The following ABCG1 variants were observed in gnomAD, a reference collection of about 807,000 sequenced individuals.
The protein encoded by ABCG1 is ATP-binding cassette sub-family G member 1.
In ABCG1, 29 loss-of-function variants were observed where a neutral mutation model predicts 69.2. The ratio of observed to expected loss-of-function variants is 0.42; its 90% CI spans 0.31 to 0.57. The LOEUF is 0.57. Ranked by LOEUF, ABCG1 falls within the 20% of genes least tolerant of loss-of-function variation. The probability of loss-of-function intolerance (pLI) is 0.15; values close to 1 mark genes in which losing one functional copy is unlikely to be tolerated. For synonymous variants in ABCG1, 370 were observed against 374.8 expected (o/e 0.99, Z 0.15); for missense variants, 718 against 898.1 (o/e 0.80, Z 2.56).
chr21:42,285,226 A>G (rs967267761), intron 7 of ABCG1, among the ~76,000 whole-genome samples: 65 of 152,240 alleles, frequency 4.3e-4, no homozygotes, highest in African/African-American at 1.5e-3. Context: ...GGCCAGGCAC[A>G]GTGGCTGTCC....
In ABCG1 at chr21:42,279,653, T is replaced by C. The variant is rs148663119; in HGVS notation, c.589-2621T>C. On this transcript the variant is annotated intron_variant, in intron 5 of 14. Coordinates refer to ENST00000398449, the MANE Select transcript of ABCG1 (RefSeq NM_016818.3). ...CATATGGGAGGGGCTGTGGGATTGC[T>C]TCCCTGCAGCATAAGGCGACAGCCA... Among the ~76,000 whole-genome samples the C allele has an allele frequency of 7.9e-3, 1,199 of 152,360 alleles. 11 individuals are homozygous for C. The highest frequency in any genetic ancestry group is 0.017 in the Middle Eastern group (5 of 294).
intron 1 of ABCG1, chr21:42,220,088 G>A: frequency 1.3e-6 from 2 of 1,523,910 alleles, no homozygotes; most frequent in Non-Finnish European, 1.8e-6. Flanking sequence ...CTCCCTTTCT[G>A]GTTTTCTGGC....
At chr21:42,264,788 G>C (rs2068474465) in intron 2 of ABCG1, among the ~76,000 whole-genome samples, 1 of 152,100 alleles carries the variant, frequency 6.6e-6, no homozygotes, top group African/African-American at 2.4e-5. Flanking sequence ...CAGGAGAGAA[G>C]AGATAGAGGA....
chr21:42,222,552 T>C (rs187533939), intron 1 of ABCG1, among the ~76,000 whole-genome samples: 221 of 152,316 alleles, frequency 1.5e-3, no homozygotes, highest in African/African-American at 5.1e-3. Context: ...GTCTCAGACC[T>C]GGAAGCCTCT....
chr21:42,225,165 C>A (rs775525141), intron 1 of ABCG1, among the ~76,000 whole-genome samples: 2 of 152,148 alleles, frequency 1.3e-5, no homozygotes, highest in Admixed American at 1.3e-4. Context: ...AATACAAAGG[C>A]CAATCCCCAC....
chr21:42,284,530 A>G, intron 6 of ABCG1, 30 bp from the exon 7 acceptor site: 1 of 1,609,072 alleles, frequency 6.2e-7, no homozygotes, highest in Non-Finnish European at 8.5e-7. Flanking sequence ...TGCCGCCCGC[A>G]GGCGTCTCAC....
chr21:42,211,020 C>T (rs931426492), intron 2 of ABCG1, among the ~76,000 whole-genome samples: 5 of 148,048 alleles, frequency 3.4e-5, no homozygotes, highest in African/African-American at 5.1e-5. Flanking sequence ...AGTGCAGTGG[C>T]GTGATCTCAG....
At chr21:42,238,978 G>A (rs954551631) in intron 2 of ABCG1, among the ~76,000 whole-genome samples, 6 of 152,142 alleles carry the variant, frequency 3.9e-5, no homozygotes, top group African/African-American at 1.4e-4. Context: ...TCTCCTTTGT[G>A]GTAATTCTAA....
chr21:42,233,296 A>G (rs891436593), intron 2 of ABCG1, among the ~76,000 whole-genome samples: 4 of 152,140 alleles, frequency 2.6e-5, no homozygotes, highest in Admixed American at 2.6e-4. Context: ...GCTGAGACCT[A>G]TATTTAGAGT....
upstream of ABCG1, among the ~76,000 whole-genome samples, chr21:42,218,916 CCCGGGGTTT>C (rs1486849172): frequency 3.3e-5 from 5 of 152,324 alleles, no homozygotes; most frequent in African/African-American, 9.6e-5. Flanking sequence ...GAGTTCGGGA[CCCGGGGTTT>C]CCGGGGTGGC....
intron 2 of ABCG1, among the ~76,000 whole-genome samples, chr21:42,268,998 G>A (rs1046779084): frequency 6.6e-6 from 1 of 152,176 alleles, no homozygotes; most frequent in Non-Finnish European, 1.5e-5. Context: ...AAAGAGAGGT[G>A]GGCCCTGCCT....
intron 1 of ABCG1, chr21:42,220,123 CA>C: frequency 1.5e-6 from 2 of 1,346,848 alleles, no homozygotes; most frequent in Non-Finnish European, 2.1e-6. Flanking sequence ...ACAAACCAAT[CA>C]TCAGGCCCCC....
chr21:42,213,498 G>A (rs1262119201), upstream of ABCG1, among the ~76,000 whole-genome samples: 1 of 152,258 alleles, frequency 6.6e-6, no homozygotes, highest in Non-Finnish European at 1.5e-5. Context: ...GCCCCCACCA[G>A]GACAATGCCC....
chr21:42,202,117 T>TC (rs1196707951), intron 2 of ABCG1, among the ~76,000 whole-genome samples: 4 of 152,140 alleles, frequency 2.6e-5, no homozygotes, highest in African/African-American at 9.7e-5. Flanking sequence ...CACGGATGGA[T>TC]CCCCACCCCT....
At chr21:42,240,653 G>A (rs1382508287) in intron 2 of ABCG1, among the ~76,000 whole-genome samples, 1 of 152,256 alleles carries the variant, frequency 6.6e-6, no homozygotes, top group Non-Finnish European at 1.5e-5. Flanking sequence ...TCGCCATGTT[G>A]GCCAGGCCGG....
At chr21:42,216,567 C>A (rs1315341048), upstream of ABCG1, among the ~76,000 whole-genome samples, 3 of 152,164 alleles carry the variant, frequency 2.0e-5, no homozygotes, top group African/African-American at 7.2e-5. Flanking sequence ...AGCAAGCCTG[C>A]AGCTGCTGGG....
chr21:42,294,662 T>C lies in ABCG1; in HGVS notation c.1772+2T>C. On this transcript the variant is annotated splice_donor_variant, in intron 14 of 14. Transcript: ENST00000398449. LOFTEE classifies it high-confidence loss of function. The stretch of plus-strand genomic sequence containing the variant: ...GATGTCCTACATCTCCTATGTCAGG[T>C]AGCGGGCGTGGGGCACGCATGGCGT... The C allele has an allele frequency of 1.2e-6, 2 of 1,613,120 alleles. No individual in the cohort carries two copies. Among genetic ancestry groups the C allele is most frequent in the Non-Finnish European group, 1.7e-6 (2 of 1,179,078 alleles).
chr21:42,271,474 A>C (rs1272811785), intron 3 of ABCG1, among the ~76,000 whole-genome samples: 1 of 152,178 alleles, frequency 6.6e-6, no homozygotes, highest in Non-Finnish European at 1.5e-5. Context: ...GTTCAGGGAG[A>C]GGGGTGGCCA....
At chr21:42,219,121 C>A, upstream of ABCG1, 1 of 771,090 alleles carries the variant, frequency 1.3e-6, no homozygotes, top group Non-Finnish European at 1.7e-6. This position sits in a 1 kb window ranked among gnomAD's most constrained non-coding sequence, Gnocchi z 5.3. Context: ...GGAACCAGAG[C>A]CGGAGCCGGA....
Sources: allele counts gnomAD v4.1 joint callset (sites outside exome capture counted in the v4.1 genomes callset), GRCh38; gene constraint gnomAD v4.1.1; non-coding constraint Gnocchi (gnomAD v3.1); transcripts MANE v1.5; gene names NCBI Gene and HGNC (gene_info 2026-07-23, HGNC 2026-07-21).